CHODL: variants seen among roughly 807,000 people sequenced by gnomAD.
CHODL encodes the protein transmembrane protein MT75.
CHODL carries 29 observed loss-of-function variants against 34.5 expected under a neutral mutation model. The ratio of observed to expected loss-of-function variants is 0.84; its 90% CI spans 0.63 to 1.15. CHODL has a LOEUF of 1.15. Ranked by LOEUF, CHODL falls within the 50% of genes most tolerant of loss-of-function variation. The probability of loss-of-function intolerance (pLI) is 0.00; values close to 1 mark genes in which losing one functional copy is unlikely to be tolerated. For synonymous variants in CHODL, 125 were observed against 116.1 expected, an observed-to-expected ratio of 1.08 and a Z score of -0.49; for missense variants, 332 against 332.5, an observed-to-expected ratio of 1.00 and a Z score of 0.01.
chr21:18,205,898 G>C lies in CHODL; in HGVS notation c.-44-50611G>C, dbSNP rs144582324. On this transcript the variant is annotated intron_variant, in intron 2 of 6. Coordinates refer to the CHODL transcript ENST00000400127. ...ATTACAGGAATGTGCCACCATGCCT[G>C]GCTAATTTAGGAGCATACTTTTAAT... Among the ~76,000 whole-genome samples, 349 of 151,888 alleles carry C rather than the reference G, an allele frequency of 2.3e-3. 1 individual carries two copies. Among genetic ancestry groups the C allele is most frequent in the Admixed American group, 5.1e-3 (77 of 15,244 alleles).
intron 2 of CHODL, among the ~76,000 whole-genome samples, chr21:18,163,522 A>G (rs768260222): frequency 3.9e-5 from 6 of 152,200 alleles, no homozygotes; most frequent in Non-Finnish European, 8.8e-5. Flanking sequence ...AGATATAGCT[A>G]GGACCAAAAT....
intron 2 of CHODL, among the ~76,000 whole-genome samples, chr21:18,184,092 T>C (rs2073413173): frequency 6.6e-6 from 1 of 152,204 alleles, no homozygotes; most frequent in Non-Finnish European, 1.5e-5. Flanking sequence ...TTTCTAATAA[T>C]AGACTTACAG....
chr21:18,133,255 G>A (rs915732577), intron 2 of CHODL, among the ~76,000 whole-genome samples: 18 of 151,946 alleles, frequency 1.2e-4, no homozygotes, highest in Admixed American at 4.6e-4. Context: ...CCAATTGTTC[G>A]ATGTTCATTA....
chr21:18,125,606 TA>T (rs2065533157), intron 2 of CHODL, among the ~76,000 whole-genome samples: 1 of 152,032 alleles, frequency 6.6e-6, no homozygotes, highest in Non-Finnish European at 1.5e-5. Context: ...ATTAATTAAT[TA>T]ATTTTTGAGA....
At chr21:18,251,812 AAG>A (rs1186131499) in intron 1 of CHODL, among the ~76,000 whole-genome samples, 3 of 147,200 alleles carry the variant, frequency 2.0e-5, no homozygotes, top group Admixed American at 6.9e-5. Context: ...TTTTATATAA[AAG>A]AAATATTCTA....
At chr21:18,196,026 C>A (rs2073583700) in intron 2 of CHODL, among the ~76,000 whole-genome samples, 1 of 152,130 alleles carries the variant, frequency 6.6e-6, no homozygotes, top group Admixed American at 6.5e-5. Context: ...ACCTTAGTTT[C>A]CTCGTGTGTA....
chr21:18,062,599 C>T (rs2064681285), intron 2 of CHODL, among the ~76,000 whole-genome samples: 1 of 152,034 alleles, frequency 6.6e-6, no homozygotes, highest in Admixed American at 6.6e-5. Context: ...AACCCCATCT[C>T]TACTAAAAAT....
chr21:18,006,558 G>T (rs746447836), intron 1 of CHODL, among the ~76,000 whole-genome samples: 12 of 152,124 alleles, frequency 7.9e-5, no homozygotes, highest in Non-Finnish European at 1.2e-4. Flanking sequence ...CTGATATTTA[G>T]ATTCCTTACA....
intron 2 of CHODL, among the ~76,000 whole-genome samples, chr21:18,067,533 G>A (rs1367485920): frequency 1.3e-5 from 2 of 152,166 alleles, no homozygotes; most frequent in Admixed American, 6.5e-5. Context: ...CTTCCTCGCA[G>A]CCCTTTGAAA....
intron 2 of CHODL, among the ~76,000 whole-genome samples, chr21:18,091,776 T>C (rs1568881495): frequency 6.6e-6 from 1 of 152,144 alleles, no homozygotes; most frequent in African/African-American, 2.4e-5. Flanking sequence ...GAAAGAGCCC[T>C]TGGGCTTTAA....
intron 1 of CHODL, among the ~76,000 whole-genome samples, chr21:17,921,496 G>A (rs1402149003): frequency 6.6e-6 from 1 of 152,196 alleles, no homozygotes; most frequent in East Asian, 1.9e-4. Context: ...CTACTTGGCA[G>A]GTGAGAGGTA....
chr21:18,237,592 T>G (rs926547300), intron 2 of CHODL, among the ~76,000 whole-genome samples: 1 of 152,102 alleles, frequency 6.6e-6, no homozygotes, highest in African/African-American at 2.4e-5. Flanking sequence ...TTATTATACA[T>G]CCCTCTTCTC....
intron 1 of CHODL, among the ~76,000 whole-genome samples, chr21:18,248,673 C>CATATATTTATATATTATATACAT (rs1171455904): frequency 9.3e-6 from 1 of 107,316 alleles, no homozygotes; most frequent in Admixed American, 1.2e-4. Context: ...ATGTATAATA[C>CATATATTTATATATTATATACAT]ATATATGTAT....
upstream of CHODL, among the ~76,000 whole-genome samples, chr21:18,240,505 A>G (rs1178578109): frequency 2.0e-5 from 3 of 152,124 alleles, no homozygotes; most frequent in Non-Finnish European, 4.4e-5. Flanking sequence ...TATCACCCCC[A>G]ATAAGGAGTT....
chr21:17,939,669 C>T (rs1423726269), intron 1 of CHODL, among the ~76,000 whole-genome samples: 1 of 152,160 alleles, frequency 6.6e-6, no homozygotes, highest in Non-Finnish European at 1.5e-5. Context: ...TTCTCTCTTA[C>T]CTCTTTTACT....
At chr21:18,101,160 C>T (rs2065208460) in intron 2 of CHODL, among the ~76,000 whole-genome samples, 1 of 126,922 alleles carries the variant, frequency 7.9e-6, no homozygotes, top group Admixed American at 7.7e-5. Context: ...CTCACAAGAT[C>T]TGATGGTTTT....
chr21:18,091,960 A>G (rs779600033), intron 2 of CHODL, among the ~76,000 whole-genome samples: 1 of 152,022 alleles, frequency 6.6e-6, no homozygotes, highest in African/African-American at 2.4e-5. Flanking sequence ...TAAATTGCGG[A>G]TATTTTTGAC....
intron 2 of CHODL, among the ~76,000 whole-genome samples, chr21:18,212,572 T>TAATA (rs3077940): frequency 0.43 from 65,302 of 151,494 alleles, 15,997 homozygotes; most frequent in African/African-American, 0.68. Flanking sequence ...CTACAATAAT[T>TAATA]AATAAAGCCA....
chr21:18,266,299 A>C lies in CHODL; in HGVS notation c.*261A>C. 1.8e-6 allele frequency: 2 copies of C among 1,094,812 alleles called. No individual in the cohort carries two copies. The highest frequency in any genetic ancestry group is 2.5e-6 in the Non-Finnish European group (2 of 790,768). 67.8% of individuals were successfully genotyped at this position (1,094,812 alleles called of 1,614,324 possible). On this transcript the variant is annotated 3_prime_UTR_variant, in exon 6 of 6. Transcript: ENST00000299295. Reference sequence around the variant, plus strand: ...CAAACTTCAAGCAAATGAAATGGACAATGCAGATAAAGTTGTTATCAACAC... The same window carrying C: ...CAAACTTCAAGCAAATGAAATGGACCATGCAGATAAAGTTGTTATCAACAC...
Sources: gnomAD v4.1 joint callset for allele counts (sites outside exome capture counted in the v4.1 genomes callset) on GRCh38, gnomAD v4.1.1 for gene constraint, MANE v1.5 for transcripts, NCBI Gene and HGNC (gene_info 2026-07-23, HGNC 2026-07-21) for gene names.